The following PARD3 variants were observed in gnomAD, a reference collection of about 807,000 sequenced individuals.
PARD3 encodes partitioning defective 3 homolog.
In PARD3, 75 loss-of-function variants were observed where a neutral mutation model predicts 155.4. The observed-to-expected ratio is 0.48, with a 90% CI of 0.40 to 0.58. PARD3 has a LOEUF of 0.58. PARD3 is among the 20% of genes least tolerant of loss of function. PARD3 has a pLI of 0.00. For synonymous variants in PARD3, 576 were observed against 610.5 expected (o/e 0.94, Z 0.83); for missense variants, 1,642 against 1,721.7 (o/e 0.95, Z 0.82).
chr10:34,526,359 C>T (rs1039666886), intron 2 of PARD3, among the ~76,000 whole-genome samples: 2 of 152,158 alleles, frequency 1.3e-5, no homozygotes, highest in African/African-American at 4.8e-5. Flanking sequence ...CCTGAAATCT[C>T]CCCCAGTCCC....
At chr10:34,801,677 C>T (rs1684445368) in intron 1 of PARD3, among the ~76,000 whole-genome samples, 1 of 152,170 alleles carries the variant, frequency 6.6e-6, no homozygotes, top group Non-Finnish European at 1.5e-5. Context: ...AATCTGTCAA[C>T]CCTTACAACT....
chr10:34,225,911 T>G (rs1268402465), intron 22 of PARD3, among the ~76,000 whole-genome samples: 1 of 152,124 alleles, frequency 6.6e-6, no homozygotes, highest in Non-Finnish European at 1.5e-5. Context: ...TTAAAAACTT[T>G]TATACTTCAA....
chr10:34,405,888 G>C (rs1456747432), intron 5 of PARD3, among the ~76,000 whole-genome samples: 4 of 152,202 alleles, frequency 2.6e-5, no homozygotes, highest in Non-Finnish European at 4.4e-5. Context: ...CAGACAGGGA[G>C]TATCTTTGCT....
chr10:34,180,369 T>C (rs974391304), intron 22 of PARD3, among the ~76,000 whole-genome samples: 9 of 152,096 alleles, frequency 5.9e-5, no homozygotes, highest in African/African-American at 2.2e-4. Context: ...TTCCATTGAG[T>C]TGCAAACAAT....
At chr10:34,615,643 A>G (rs1435376533) in intron 2 of PARD3, among the ~76,000 whole-genome samples, 2 of 152,240 alleles carry the variant, frequency 1.3e-5, no homozygotes, top group Non-Finnish European at 1.5e-5. Flanking sequence ...CAACAGAAGC[A>G]ATGAAAAAAG....
At chr10:34,233,078 T>A (rs1229719281) in intron 22 of PARD3, among the ~76,000 whole-genome samples, 1 of 137,540 alleles carries the variant, frequency 7.3e-6, no homozygotes, top group Non-Finnish European at 1.5e-5. Context: ...GGAAACAATT[T>A]GGCCTTTACA....
intron 5 of PARD3, among the ~76,000 whole-genome samples, chr10:34,448,494 T>C (rs1232391047): frequency 6.6e-6 from 1 of 152,134 alleles, no homozygotes; most frequent in African/African-American, 2.4e-5. Context: ...AATAAACATA[T>C]TTTATACTTG....
At chr10:34,224,041 G>C (rs571348791) in intron 22 of PARD3, among the ~76,000 whole-genome samples, 1 of 152,296 alleles carries the variant, frequency 6.6e-6, no homozygotes, top group East Asian at 1.9e-4. Flanking sequence ...GGGTGTACTT[G>C]ATCCTTACAG....
At chr10:34,700,197 G>A (rs1019846736) in intron 1 of PARD3, among the ~76,000 whole-genome samples, 8 of 152,120 alleles carry the variant, frequency 5.3e-5, no homozygotes, top group African/African-American at 7.2e-5. Flanking sequence ...CAAACCCACC[G>A]AAGAAACCTG....
At chr10:34,591,308 A>C (rs1331967427) in intron 2 of PARD3, among the ~76,000 whole-genome samples, 1 of 152,210 alleles carries the variant, frequency 6.6e-6, no homozygotes, top group Non-Finnish European at 1.5e-5. Flanking sequence ...GTTTATAATT[A>C]GTAAATATGG....
chr10:34,684,461 C>T (rs2093906015), intron 2 of PARD3, among the ~76,000 whole-genome samples: 1 of 152,100 alleles, frequency 6.6e-6, no homozygotes, highest in African/African-American at 2.4e-5. Context: ...TCACAGAAGA[C>T]AACACTGAAT....
At chr10:34,692,939 G>C (rs2094097453) in intron 2 of PARD3, among the ~76,000 whole-genome samples, 2 of 152,244 alleles carry the variant, frequency 1.3e-5, no homozygotes, top group African/African-American at 4.8e-5. Context: ...TGGCCAATAA[G>C]CTTATGAAAA....
chr10:34,419,655 C>T (rs529959554), intron 5 of PARD3, among the ~76,000 whole-genome samples: 5 of 152,232 alleles, frequency 3.3e-5, no homozygotes, highest in East Asian at 1.9e-4. Flanking sequence ...GGCAGTATTT[C>T]GCCATTATTA....
chr10:34,112,668 G>A (rs754410144), intron 24 of PARD3, among the ~76,000 whole-genome samples: 1 of 152,194 alleles, frequency 6.6e-6, no homozygotes, highest in Non-Finnish European at 1.5e-5. Context: ...GATTTTCACG[G>A]AAGGAAAAGA....
chr10:34,469,671 T>C (rs868271614), intron 4 of PARD3, among the ~76,000 whole-genome samples: 2 of 152,118 alleles, frequency 1.3e-5, no homozygotes, highest in African/African-American at 4.8e-5. Context: ...ATATAAATAT[T>C]TGCTTATAAA....
chr10:34,533,349 G>A (rs1210580527), intron 2 of PARD3, among the ~76,000 whole-genome samples: 1 of 152,014 alleles, frequency 6.6e-6, no homozygotes, highest in Non-Finnish European at 1.5e-5. Context: ...TGGATTGCGG[G>A]ATCATCCATA....
At position 34,111,162 on chromosome 10, in the gene PARD3, T is replaced by C. The variant is rs371324173; in HGVS notation, c.*7A>G. The C allele has an allele frequency of 1.9e-5, 29 of 1,533,146 alleles. No homozygotes were observed. The African/African-American group carries it at 3.6e-4, about 19-fold the overall frequency. The allele number at this position is 1,533,146 out of a possible 1,614,324, so 95.0% of individuals were successfully genotyped here. On this transcript the variant is annotated 3_prime_UTR_variant, in exon 25 of 25. Transcript: ENST00000374788. ...TGCGCGACATGAAGCATCCGTTATT[T>C]GCGTGCTCAGGAATAGAAGGGCCTC...
intron 22 of PARD3, among the ~76,000 whole-genome samples, chr10:34,147,517 T>G (rs1948572813): frequency 1.3e-5 from 2 of 151,978 alleles, no homozygotes; most frequent in East Asian, 1.9e-4. Flanking sequence ...TTGCTTAATA[T>G]GTGGATAAAA....
chr10:34,404,028 A>G (rs1007280643), intron 5 of PARD3, among the ~76,000 whole-genome samples: 1 of 152,182 alleles, frequency 6.6e-6, no homozygotes, highest in African/African-American at 2.4e-5. Context: ...TACAGTGATA[A>G]AACAGTCACT....
Sources: gnomAD v4.1 joint callset for allele counts (sites outside exome capture counted in the v4.1 genomes callset) on GRCh38, gnomAD v4.1.1 for gene constraint, MANE v1.5 for transcripts, NCBI Gene and HGNC (gene_info 2026-07-23, HGNC 2026-07-21) for gene names.